Variants in VPS13B observed in about 807,000 individuals in gnomAD.
The protein encoded by VPS13B is intermembrane lipid transfer protein VPS13B.
VPS13B carries 285 observed loss-of-function variants against 426.4 expected under a neutral mutation model. The ratio of observed to expected loss-of-function variants is 0.67; its 90% confidence interval spans 0.61 to 0.74. The LOEUF (loss-of-function observed/expected upper bound fraction) is 0.74, where lower values mean the gene tolerates loss of function less well. Ranked by LOEUF, VPS13B falls within the 30% of genes least tolerant of loss-of-function variation. The pLI is 0.00. For missense variants in VPS13B, 4,537 were observed against 4,782.6 expected (o/e 0.95, Z 1.51); for synonymous variants, 1,676 against 1,676.4 (o/e 1.00, Z 0.01).
chr8:99,579,873 T>C (rs2133816303), intron 33 of VPS13B, among the ~76,000 whole-genome samples: 2 of 152,060 alleles, frequency 1.3e-5, no homozygotes, highest in Middle Eastern at 3.4e-3. Context: ...AATTTTTGTA[T>C]TTTTAGTAGA....
At chr8:99,321,886 G>C (rs544204249) in intron 19 of VPS13B, among the ~76,000 whole-genome samples, 10 of 152,228 alleles carry the variant, frequency 6.6e-5, no homozygotes, top group South Asian at 2.1e-4. Flanking sequence ...AAATTAAAAG[G>C]TTCCAAAACT....
In VPS13B at chr8:99,287,256, A is replaced by G. The variant is rs948958754; in HGVS notation, c.2824+12002A>G. On this transcript the variant is annotated intron_variant, in intron 19 of 61. Coordinates refer to ENST00000357162, the MANE Select transcript of VPS13B (RefSeq NM_152564.5). ...TGTCTATCTATCTATCTATCTATCT[A>G]TCTATCTATCTATCTATCTATCTAT... Among the ~76,000 whole-genome samples, 97 of 151,256 alleles carry G rather than the reference A, an allele frequency of 6.4e-4. 1 individual carries two copies. Among genetic ancestry groups the G allele is most frequent in the East Asian group, 1.6e-3 (8 of 5,144 alleles).
At chr8:99,694,878 G>A (rs1249281260) in intron 35 of VPS13B, among the ~76,000 whole-genome samples, 1 of 152,020 alleles carries the variant, frequency 6.6e-6, no homozygotes, top group Non-Finnish European at 1.5e-5. Flanking sequence ...CCATCAAAAA[G>A]TGGGCAAAGG....
At chr8:99,370,060 T>A (rs1013803909) in intron 19 of VPS13B, among the ~76,000 whole-genome samples, 1 of 152,208 alleles carries the variant, frequency 6.6e-6, no homozygotes, top group Non-Finnish European at 1.5e-5. Context: ...AGCTACACTT[T>A]GTAATAACTG....
intron 43 of VPS13B, chr8:99,797,048 T>G (rs1812871295): frequency 6.6e-6 from 1 of 152,186 alleles, no homozygotes; most frequent in Non-Finnish European, 1.5e-5. Context: ...ATTTGCAATG[T>G]ACCACAATAG....
At chr8:99,230,672 C>G (rs911971038) in intron 17 of VPS13B, among the ~76,000 whole-genome samples, 3 of 152,128 alleles carry the variant, frequency 2.0e-5, no homozygotes, top group African/African-American at 7.2e-5. Context: ...ACGGGGAACA[C>G]CGGTAGAACT....
chr8:99,243,570 A>G (rs1263960504), intron 17 of VPS13B, among the ~76,000 whole-genome samples: 4 of 152,226 alleles, frequency 2.6e-5, no homozygotes, highest in African/African-American at 9.6e-5. Flanking sequence ...GGATAGACAT[A>G]AGAAAGCTTC....
chr8:99,723,863 A>C (rs1833227419), intron 39 of VPS13B, among the ~76,000 whole-genome samples: 1 of 152,300 alleles, frequency 6.6e-6, no homozygotes, highest in Admixed American at 6.5e-5. Flanking sequence ...AACTACCAGA[A>C]GTTAGAAAGG....
chr8:99,181,567 CT>C (rs1370805776), intron 16 of VPS13B, among the ~76,000 whole-genome samples: 2 of 152,164 alleles, frequency 1.3e-5, no homozygotes, highest in Non-Finnish European at 2.9e-5. Flanking sequence ...TATTTTGAGG[CT>C]TAAATGAGTT....
chr8:99,274,321 C>T lies in VPS13B; in HGVS notation c.2639C>T (p.Ala880Val), dbSNP rs746799750. 48 of 1,614,022 alleles carry T rather than the reference C, an allele frequency of 3.0e-5. No homozygotes were observed. The South Asian group carries it at 4.9e-4, about 17-fold the overall frequency. ...ACCATGGGATCAATAAAAATTTGTG[C>T]CAAAGCCCCAGGTATGTGCAGCTGG... The part of the protein sequence containing the change: ...SGTMGSIKIC[A>V]KAPVDSGKEK... Residue 880 changes from alanine (A) to valine (V), a missense_variant, in exon 18 of 62, where the codon GCC (alanine) becomes GTC (valine). Transcript: ENST00000357162.
chr8:99,232,616 G>A (rs1443039167), intron 17 of VPS13B, among the ~76,000 whole-genome samples: 5 of 152,172 alleles, frequency 3.3e-5, no homozygotes, highest in South Asian at 2.1e-4. Flanking sequence ...TGCGTAACCC[G>A]CAGGCCACGT....
intron 50 of VPS13B, among the ~76,000 whole-genome samples, chr8:99,821,870 CAA>C (rs761150582): frequency 6.6e-6 from 1 of 152,130 alleles, no homozygotes; most frequent in Non-Finnish European, 1.5e-5. Flanking sequence ...CCTCCTGCAG[CAA>C]AGTTTATATT....
chr8:99,831,489 T>A (rs997266280), intron 51 of VPS13B, among the ~76,000 whole-genome samples: 2 of 152,176 alleles, frequency 1.3e-5, no homozygotes. Flanking sequence ...TTGTCTGCAC[T>A]TTTACCTCCT....
rs549714965 is a variant in VPS13B at position 99,194,323 on chromosome 8, C to T, written c.2515+1266C>T. The stretch of plus-strand genomic sequence containing the variant: ...GTGTATATAAACACACACAGACATA[C>T]ATATTTGTATCCTCTTTTTGAATTG... On this transcript the variant is annotated intron_variant, in intron 17 of 61. Coordinates refer to ENST00000357162, the MANE Select transcript of VPS13B (RefSeq NM_152564.5). Among the ~76,000 whole-genome samples the T allele has an allele frequency of 6.1e-4, 93 of 152,276 alleles. No individual in the cohort carries two copies. In the Middle Eastern group the frequency reaches 0.01, roughly 17 times the overall value.
intron 43 of VPS13B, among the ~76,000 whole-genome samples, chr8:99,801,718 C>A (rs1813133126): frequency 6.6e-6 from 1 of 152,166 alleles, no homozygotes. Flanking sequence ...ATTATTCTTA[C>A]TGAATATCTG....
chr8:99,445,414 A>G (rs1316594562), intron 23 of VPS13B, among the ~76,000 whole-genome samples: 3 of 149,904 alleles, frequency 2.0e-5, no homozygotes, highest in Non-Finnish European at 3.0e-5. Context: ...GCAGCAAGCT[A>G]TGATCGCACC....
chr8:99,523,719 C>A (rs1368607001), intron 30 of VPS13B, among the ~76,000 whole-genome samples: 2 of 152,180 alleles, frequency 1.3e-5, no homozygotes, highest in Non-Finnish European at 2.9e-5. Flanking sequence ...AAACTTAGAT[C>A]ACAACACCCA....
chr8:99,636,713 A>G (rs1829086081), intron 33 of VPS13B, among the ~76,000 whole-genome samples: 1 of 152,040 alleles, frequency 6.6e-6, no homozygotes, highest in African/African-American at 2.4e-5. Context: ...TAAGTAAAGC[A>G]TTTTGTCTCA....
At chr8:99,634,879 A>G (rs1221923956) in intron 33 of VPS13B, among the ~76,000 whole-genome samples, 1 of 152,002 alleles carries the variant, frequency 6.6e-6, no homozygotes, top group Non-Finnish European at 1.5e-5. Context: ...TAATAAAATG[A>G]TAAAGGTTTA....
Sources: gnomAD v4.1 joint callset for allele counts (sites outside exome capture counted in the v4.1 genomes callset) on GRCh38, gnomAD v4.1.1 for gene constraint, MANE v1.5 for transcripts, NCBI Gene and HGNC (gene_info 2026-07-23, HGNC 2026-07-21) for gene names.